Variants in NKAIN1 observed in about 807,000 individuals in gnomAD.
NKAIN1 encodes the protein sodium/potassium transporting ATPase interacting 1, also known as sodium/potassium-transporting ATPase subunit beta-1-interacting protein 1.
A neutral mutation model predicts 31.6 loss-of-function variants in NKAIN1; 13 were observed. That is an observed-to-expected ratio of 0.41 (90% CI 0.27 to 0.65). NKAIN1 has a LOEUF of 0.65. Among genes scored for constraint, NKAIN1 ranks in the 30% least tolerant of loss-of-function variants. The probability of loss-of-function intolerance (pLI) is 0.30; values close to 1 mark genes in which losing one functional copy is unlikely to be tolerated. For synonymous variants in NKAIN1, 104 were observed against 109.0 expected, an observed-to-expected ratio of 0.95 and a Z score of 0.28; for missense variants, 193 against 262.2, an observed-to-expected ratio of 0.74 and a Z score of 1.82.
intron 1 of NKAIN1, among the ~76,000 whole-genome samples, chr1:31,216,476 C>T (rs955833015): frequency 2.6e-5 from 4 of 152,140 alleles, no homozygotes; most frequent in Admixed American, 2.0e-4. Flanking sequence ...TAAGGTCAAG[C>T]CCGCTTTGCA....
intron 1 of NKAIN1, among the ~76,000 whole-genome samples, chr1:31,206,816 C>T (rs1645428694): frequency 1.3e-5 from 2 of 152,114 alleles, no homozygotes; most frequent in South Asian, 4.1e-4. Flanking sequence ...TCACTGCAGC[C>T]CCAACCTCTG....
intron 1 of NKAIN1, among the ~76,000 whole-genome samples, chr1:31,189,398 C>T (rs2148350449): frequency 6.6e-6 from 1 of 152,322 alleles, no homozygotes; most frequent in South Asian, 2.1e-4. Context: ...CTCACTGCAA[C>T]ATCCACCTGC....
In NKAIN1 at chr1:31,229,678, C is replaced by A. The variant is rs1107426; in HGVS notation, c.54+9816G>T. ...TGAGGTCACCAGAGTCCCTGACAAC[C>A]TGACACCCAGGTGTAAAGTCTTGAG... is the stretch of plus-strand genomic sequence containing the variant. On this transcript the variant is annotated intron_variant, in intron 1 of 6. Coordinates refer to ENST00000373736, the MANE Select transcript of NKAIN1 (RefSeq NM_024522.3). Among the ~76,000 whole-genome samples, 999 of 152,236 alleles carry A rather than the reference C, an allele frequency of 6.6e-3. 61 individuals carry two copies. In the East Asian group the frequency reaches 0.13, roughly 19 times the overall value.
intron 1 of NKAIN1, among the ~76,000 whole-genome samples, chr1:31,226,672 G>GCAC (rs1171852358): frequency 2.0e-5 from 3 of 151,962 alleles, no homozygotes; most frequent in Non-Finnish European, 4.4e-5. Context: ...TTACAGGCGT[G>GCAC]CACCACCACA....
At chr1:31,226,447 C>A (rs542025428) in intron 1 of NKAIN1, among the ~76,000 whole-genome samples, 29 of 152,230 alleles carry the variant, frequency 1.9e-4, no homozygotes, top group African/African-American at 6.7e-4. Context: ...CCCTGGGACT[C>A]CTTGACTCCT....
chr1:31,197,312 C>T (rs907345862), intron 1 of NKAIN1, among the ~76,000 whole-genome samples: 4 of 151,750 alleles, frequency 2.6e-5, no homozygotes, highest in African/African-American at 7.3e-5. Flanking sequence ...GGGGTTTCAT[C>T]GTGTTAGCCA....
rs1186171758 is a variant in NKAIN1 at position 31,232,400 on chromosome 1, T to C, written c.54+7094A>G. On this transcript the variant is annotated intron_variant, in intron 1 of 6. Transcript: ENST00000373736. ...GCCACCGTGTCTGGCCTACTTCATATATATATATATATATATATATATATA... is the reference window on the plus strand; with the variant it reads ...GCCACCGTGTCTGGCCTACTTCATACATATATATATATATATATATATATA... 2.3e-3 allele frequency among the ~76,000 whole-genome samples: 49 copies of C among 21,118 alleles called. 3 individuals carry two copies. Among genetic ancestry groups the C allele is most frequent in the African/African-American group, 6.3e-3 (47 of 7,508 alleles). 13.9% of individuals were successfully genotyped at this position (21,118 alleles called of 152,430 possible). A position where few individuals can be genotyped will look rare whatever the true frequency, so the allele number is the denominator to read the frequency against.
intron 1 of NKAIN1, among the ~76,000 whole-genome samples, chr1:31,202,874 G>A (rs1645393856): frequency 6.6e-6 from 1 of 151,290 alleles, no homozygotes; most frequent in African/African-American, 2.4e-5. Flanking sequence ...CTACTCGGGA[G>A]GCTGAGGCAA....
intron 1 of NKAIN1, among the ~76,000 whole-genome samples, chr1:31,230,597 C>T (rs937312308): frequency 2.0e-5 from 3 of 152,192 alleles, no homozygotes; most frequent in Non-Finnish European, 4.4e-5. Flanking sequence ...GTGAATCAAT[C>T]GACATCCCTC....
intron 1 of NKAIN1, among the ~76,000 whole-genome samples, chr1:31,204,444 G>C (rs556487160): frequency 6.6e-6 from 1 of 152,172 alleles, no homozygotes; most frequent in East Asian, 1.9e-4. Flanking sequence ...CTCTACTTCT[G>C]CCCATGTTCC....
rs1308932166 is a variant in NKAIN1, at chr1:31,191,680, G to A, written c.55-3493C>T. ...TTAGTTTGGCACCGAGGGCCCACTA[G>A]GATCTGGCTCAATCCTGTATTTCCC... is the stretch of plus-strand genomic sequence containing the variant. On this transcript the variant is annotated intron_variant, in intron 1 of 6. Transcript: ENST00000373736. 2.6e-5 allele frequency among the ~76,000 whole-genome samples: 4 copies of A among 152,184 alleles called. No individual in the cohort carries two copies. In the South Asian group the frequency reaches 6.2e-4, roughly 24 times the overall value.
At chr1:31,209,812 G>C (rs963830510) in intron 1 of NKAIN1, among the ~76,000 whole-genome samples, 1 of 150,784 alleles carries the variant, frequency 6.6e-6, no homozygotes, top group African/African-American at 2.4e-5. Context: ...GTGAGACCCT[G>C]TCTCTAAAAA....
At chr1:31,184,990 G>A (rs1645231574) in intron 3 of NKAIN1, among the ~76,000 whole-genome samples, 1 of 152,158 alleles carries the variant, frequency 6.6e-6, no homozygotes, top group African/African-American at 2.4e-5. Context: ...GGTTTTTACT[G>A]AGCTTGTGAT....
At chr1:31,202,335 TG>T (rs1645386727) in intron 1 of NKAIN1, among the ~76,000 whole-genome samples, 1 of 152,152 alleles carries the variant, frequency 6.6e-6, no homozygotes, top group African/African-American at 2.4e-5. Context: ...GCATAAATCC[TG>T]GGCCAAACGG....
rs1645198474 is a variant in NKAIN1, at chr1:31,181,630, T to G, written c.*73A>C. 2.9e-6 allele frequency: 4 copies of G among 1,394,102 alleles called. No homozygotes were observed. The highest frequency in any genetic ancestry group is 1.5e-5 in the African/African-American group (1 of 67,778). 86.4% of individuals were successfully genotyped at this position (1,394,102 alleles called of 1,614,324 possible). A position where few individuals can be genotyped will look rare whatever the true frequency, so the allele number is the denominator to read the frequency against. On this transcript the variant is annotated 3_prime_UTR_variant, in exon 7 of 7. Transcript: ENST00000373736. ...GCGCGGGCCACCAGGGGGACACGCC[T>G]GCGCCTTGGCCCGAGCTCGCGGCAG...
At chr1:31,228,405 T>C (rs529151069) in intron 1 of NKAIN1, among the ~76,000 whole-genome samples, 3 of 152,168 alleles carry the variant, frequency 2.0e-5, no homozygotes, top group East Asian at 3.9e-4. Context: ...CACCAGGCCC[T>C]GTGATTTGAG....
At chr1:31,232,311 G>A (rs1042746574) in intron 1 of NKAIN1, among the ~76,000 whole-genome samples, 27 of 143,932 alleles carry the variant, frequency 1.9e-4, no homozygotes, top group African/African-American at 5.8e-4. Context: ...GGCTGGTCTC[G>A]AACTCCTGAC....
chr1:31,211,364 T>C lies in NKAIN1; in HGVS notation c.55-23177A>G, dbSNP rs140567502. ...CACTTGAATTTCTACACATTGACAA[T>C]GAACAATCTAAACATAAAATTAACA... On this transcript the variant is annotated intron_variant, in intron 1 of 6. Transcript: ENST00000373736. Among the ~76,000 whole-genome samples the C allele has an allele frequency of 7.8e-3, 1,182 of 152,232 alleles. 20 individuals are homozygous for C. Among genetic ancestry groups the C allele is most frequent in the African/African-American group, 0.023 (965 of 41,540 alleles).
intron 4 of NKAIN1, among the ~76,000 whole-genome samples, chr1:31,183,228 G>A (rs1354055689): frequency 6.6e-6 from 1 of 152,054 alleles, no homozygotes; most frequent in South Asian, 2.1e-4. Flanking sequence ...AACAAGCTCC[G>A]AGAAGGCAGG....
Sources: allele counts gnomAD v4.1 joint callset (sites outside exome capture counted in the v4.1 genomes callset), GRCh38; gene constraint gnomAD v4.1.1; transcripts MANE v1.5; gene names NCBI Gene and HGNC (gene_info 2026-07-23, HGNC 2026-07-21).